KCNQ3: variants seen among roughly 807,000 people sequenced by gnomAD.
KCNQ3 encodes the protein potassium voltage-gated channel subfamily KQT member 3.
In KCNQ3, 30 loss-of-function variants were observed where a neutral mutation model predicts 92.5. That is an observed-to-expected ratio of 0.32 (90% CI 0.24 to 0.44). KCNQ3 has a LOEUF of 0.44. Ranked by LOEUF, KCNQ3 falls within the 20% of genes least tolerant of loss-of-function variation. The pLI, the probability that KCNQ3 is intolerant of heterozygous loss-of-function variation, is 1.00. For missense variants in KCNQ3, 913 were observed against 1,140.3 expected (o/e 0.80, Z 2.87); for synonymous variants, 450 against 468.8 (o/e 0.96, Z 0.52).
intron 1 of KCNQ3, among the ~76,000 whole-genome samples, chr8:132,474,870 G>A (rs1822374187): frequency 6.6e-6 from 1 of 152,110 alleles, no homozygotes. Flanking sequence ...CAGGGGATGG[G>A]CATTTGATAT....
At position 132,130,091 on chromosome 8, in the gene KCNQ3, T is replaced by TG. The variant is rs1315515098; in HGVS notation, c.1885-96_1885-95insC. The TG allele has an allele frequency of 3.1e-5, 44 of 1,411,580 alleles. 3 individuals carry two copies. Among genetic ancestry groups the TG allele is most frequent in the Admixed American group, 2.0e-4 (10 of 49,248 alleles). 87.4% of individuals were successfully genotyped at this position (1,411,580 alleles called of 1,614,324 possible). ...GAAATATTCTTTTTTTTTGTTTTTTTTTTTTTTTTGAGACGAAGTCTCAGT... is the reference window on the plus strand; with the variant it reads ...GAAATATTCTTTTTTTTTGTTTTTTTGTTTTTTTTTGAGACGAAGTCTCAGT... On this transcript the variant is annotated intron_variant, in intron 14 of 14. Coordinates refer to ENST00000388996, the MANE Select transcript of KCNQ3 (RefSeq NM_004519.4).
intron 1 of KCNQ3, among the ~76,000 whole-genome samples, chr8:132,443,804 C>A (rs1821601113): frequency 6.6e-6 from 1 of 152,096 alleles, no homozygotes; most frequent in Non-Finnish European, 1.5e-5. Flanking sequence ...AGGTCCCGTT[C>A]CAGTACCCAC....
chr8:132,397,940 T>C (rs1321025640), intron 1 of KCNQ3, among the ~76,000 whole-genome samples: 1 of 152,218 alleles, frequency 6.6e-6, no homozygotes, highest in African/African-American at 2.4e-5. Context: ...AGGAAAAGCA[T>C]ATCTACTATA....
intron 1 of KCNQ3, among the ~76,000 whole-genome samples, chr8:132,189,096 G>A (rs946589490): frequency 2.6e-5 from 4 of 152,120 alleles, no homozygotes; most frequent in Admixed American, 6.5e-5. Context: ...CCACATCCAG[G>A]CTGGTCGTAG....
intron 1 of KCNQ3, among the ~76,000 whole-genome samples, chr8:132,422,844 T>C (rs1056525340): frequency 2.0e-5 from 3 of 152,066 alleles, no homozygotes; most frequent in Non-Finnish European, 4.4e-5. Context: ...ATCCTCAGGA[T>C]AGACAGTGGA....
intron 1 of KCNQ3, among the ~76,000 whole-genome samples, chr8:132,376,542 G>A (rs547546204): frequency 3.1e-4 from 47 of 152,344 alleles, no homozygotes; most frequent in African/African-American, 1.1e-3. Flanking sequence ...AGAACTGAGA[G>A]AGAAAAGTGC....
chr8:132,357,798 C>G (rs1819057047), intron 1 of KCNQ3, among the ~76,000 whole-genome samples: 2 of 152,238 alleles, frequency 1.3e-5, no homozygotes. Context: ...CCCCACTCCA[C>G]TGGTCCATCT....
At chr8:132,451,158 CT>C (rs1821810615) in intron 1 of KCNQ3, among the ~76,000 whole-genome samples, 1 of 152,140 alleles carries the variant, frequency 6.6e-6, no homozygotes, top group South Asian at 2.1e-4. Flanking sequence ...GTGAATCAGC[CT>C]CATGAGATGT....
intron 9 of KCNQ3, among the ~76,000 whole-genome samples, chr8:132,154,752 C>T (rs1436524058): frequency 2.6e-5 from 4 of 152,162 alleles, no homozygotes; most frequent in Admixed American, 1.3e-4. Flanking sequence ...ACCCCTCTCA[C>T]TTTGCTGTGT....
intron 3 of KCNQ3, among the ~76,000 whole-genome samples, chr8:132,181,276 T>G (rs1826762570): frequency 6.6e-6 from 1 of 152,198 alleles, no homozygotes; most frequent in African/African-American, 2.4e-5. Context: ...ATGTCAATTA[T>G]CACCCCACTT....
At chr8:132,249,912 C>G (rs1251395830) in intron 1 of KCNQ3, among the ~76,000 whole-genome samples, 1 of 152,206 alleles carries the variant, frequency 6.6e-6, no homozygotes, top group Non-Finnish European at 1.5e-5. Context: ...CTAAGCCCCT[C>G]ACTGCCTGGG....
intron 13 of KCNQ3, 55 bp from the exon 14 acceptor site, chr8:132,132,319 G>T: frequency 6.9e-7 from 1 of 1,442,490 alleles, no homozygotes. Flanking sequence ...TGCTATGCAA[G>T]GTAATTTCGG....
intron 1 of KCNQ3, among the ~76,000 whole-genome samples, chr8:132,194,038 C>T (rs1827236638): frequency 6.6e-6 from 1 of 152,200 alleles, no homozygotes; most frequent in Non-Finnish European, 1.5e-5. Context: ...CTGCTGGCTC[C>T]TGCTCTAATT....
intron 1 of KCNQ3, among the ~76,000 whole-genome samples, chr8:132,248,949 A>T (rs1046637031): frequency 4.6e-5 from 7 of 152,180 alleles, no homozygotes; most frequent in African/African-American, 1.7e-4. Context: ...TCAAGAATGA[A>T]GCCGCAGACC....
At chr8:132,415,847 G>T (rs771763994) in intron 1 of KCNQ3, among the ~76,000 whole-genome samples, 4 of 152,220 alleles carry the variant, frequency 2.6e-5, no homozygotes, top group Non-Finnish European at 2.9e-5. Context: ...AATTTCATGG[G>T]ATTAGGAAGA....
chr8:132,418,029 C>G (rs1032885341), intron 1 of KCNQ3, among the ~76,000 whole-genome samples: 1 of 152,120 alleles, frequency 6.6e-6, no homozygotes. Context: ...CCACACCCCC[C>G]TCATCTTCCA....
At chr8:132,348,687 G>GAA (rs1818768419) in intron 1 of KCNQ3, among the ~76,000 whole-genome samples, 1 of 152,190 alleles carries the variant, frequency 6.6e-6, no homozygotes, top group South Asian at 2.1e-4. Flanking sequence ...AGAGGGCTCT[G>GAA]TCATCTGATT....
At chr8:132,326,019 A>G (rs1017259755) in intron 1 of KCNQ3, among the ~76,000 whole-genome samples, 3 of 152,172 alleles carry the variant, frequency 2.0e-5, no homozygotes. Flanking sequence ...GCAAGTGGCC[A>G]CCCTCAATGG....
intron 1 of KCNQ3, among the ~76,000 whole-genome samples, chr8:132,264,697 G>A (rs1815923719): frequency 6.6e-6 from 1 of 152,150 alleles, no homozygotes; most frequent in Non-Finnish European, 1.5e-5. Context: ...CATTTGTCTG[G>A]CTTTAAATCC....
Sources: allele counts gnomAD v4.1 joint callset (sites outside exome capture counted in the v4.1 genomes callset), GRCh38; gene constraint gnomAD v4.1.1; transcripts MANE v1.5; gene names NCBI Gene and HGNC (gene_info 2026-07-23, HGNC 2026-07-21).